Variants in ZC3H7B observed in about 807,000 individuals in gnomAD.
ZC3H7B encodes the protein zinc finger CCCH domain-containing protein 7B.
A neutral mutation model predicts 116.0 loss-of-function variants in ZC3H7B; 35 were observed. The observed-to-expected ratio is 0.30, with a 90% CI of 0.23 to 0.40. The LOEUF (loss-of-function observed/expected upper bound fraction) is 0.40, where lower values mean the gene tolerates loss of function less well. Ranked by LOEUF, ZC3H7B falls within the 10% of genes least tolerant of loss-of-function variation. ZC3H7B has a pLI of 1.00. For synonymous variants in ZC3H7B, 502 were observed against 545.6 expected (o/e 0.92, Z 1.11); for missense variants, 1,011 against 1,321.5 (o/e 0.77, Z 3.64).
chr22:41,306,973 CT>C (rs398061942), intron 1 of ZC3H7B, among the ~76,000 whole-genome samples: 110 of 129,044 alleles, frequency 8.5e-4, no homozygotes, highest in East Asian at 1.3e-3. Flanking sequence ...CAGCTCCTTT[CT>C]TTTTTTTTTT....
chr22:41,342,024 T>C (rs2036528802), intron 11 of ZC3H7B, among the ~76,000 whole-genome samples: 1 of 150,236 alleles, frequency 6.7e-6, no homozygotes, highest in Non-Finnish European at 1.5e-5. Flanking sequence ...AGCACGCCAT[T>C]GCACTCTAGC....
intron 11 of ZC3H7B, among the ~76,000 whole-genome samples, chr22:41,342,238 A>G (rs527468133): frequency 2.0e-5 from 3 of 152,210 alleles, no homozygotes; most frequent in Non-Finnish European, 4.4e-5. Context: ...CTATGCTTTC[A>G]CATTCAACTT....
At chr22:41,311,809 G>A (rs1363121817) in intron 1 of ZC3H7B, among the ~76,000 whole-genome samples, 1 of 151,926 alleles carries the variant, frequency 6.6e-6, no homozygotes, top group African/African-American at 2.4e-5. Context: ...TTGAGACCTG[G>A]GCAGAATAAG....
At chr22:41,325,666 G>C in intron 3 of ZC3H7B, 55 bp from the exon 4 acceptor site, 1 of 1,608,210 alleles carries the variant, frequency 6.2e-7, no homozygotes, top group Non-Finnish European at 8.5e-7. Flanking sequence ...CGTGGGCCGG[G>C]TGCCAGAGCT....
intron 22 of ZC3H7B, 145 bp downstream of exon 22, chr22:41,356,953 G>A: frequency 1.5e-6 from 2 of 1,369,378 alleles, no homozygotes; most frequent in Non-Finnish European, 9.9e-7. Flanking sequence ...GGGGTGGTGG[G>A]GAAGGGTGGA....
chr22:41,337,949 C>T (rs1454593864), intron 7 of ZC3H7B, among the ~76,000 whole-genome samples: 1 of 151,366 alleles, frequency 6.6e-6, no homozygotes, highest in African/African-American at 2.4e-5. Flanking sequence ...CTCACTGCAA[C>T]ATCCACCTCC....
At chr22:41,350,759 G>C (rs1353277309) in intron 16 of ZC3H7B, among the ~76,000 whole-genome samples, 1 of 152,206 alleles carries the variant, frequency 6.6e-6, no homozygotes, top group Non-Finnish European at 1.5e-5. Context: ...CAGATGTGGG[G>C]ATCTGGAGGT....
At chr22:41,324,337 C>T (rs1446545336) in intron 2 of ZC3H7B, among the ~76,000 whole-genome samples, 1 of 152,172 alleles carries the variant, frequency 6.6e-6, no homozygotes, top group Non-Finnish European at 1.5e-5. Context: ...GCCCTCCTGG[C>T]GTTGCGCCTC....
At chr22:41,305,256 A>T (rs2036025077) in intron 1 of ZC3H7B, among the ~76,000 whole-genome samples, 1 of 151,934 alleles carries the variant, frequency 6.6e-6, no homozygotes, top group East Asian at 1.9e-4. Flanking sequence ...GAGGCAGGAG[A>T]ATTGCTTGAA....
chr22:41,319,172 T>A (rs893914774), intron 1 of ZC3H7B, among the ~76,000 whole-genome samples: 1 of 151,740 alleles, frequency 6.6e-6, no homozygotes, highest in African/African-American at 2.4e-5. Flanking sequence ...GAGGCCAAGG[T>A]GGGCAGATCA....
At chr22:41,309,384 G>A (rs1222723949) in intron 1 of ZC3H7B, among the ~76,000 whole-genome samples, 2 of 151,504 alleles carry the variant, frequency 1.3e-5, no homozygotes, top group African/African-American at 4.8e-5. Context: ...TGTGATCTCG[G>A]CTCACTGCAA....
chr22:41,354,790 CAG>C lies in ZC3H7B; in HGVS notation c.2035-675_2035-674del, dbSNP rs572069952. Among the ~76,000 whole-genome samples the C allele has an allele frequency of 4.2e-4, 64 of 152,302 alleles. 2 individuals are homozygous for C. In the South Asian group the frequency reaches 0.012, roughly 30 times the overall value. The stretch of plus-strand genomic sequence containing the variant: ...GCAGGCCAAAGGCTGGGGCGTAGGA[CAG>C]AGAAGGAACGTGGTGGGTGGGGCCT... On this transcript the variant is annotated intron_variant, in intron 17 of 22. Coordinates refer to ENST00000352645, the MANE Select transcript of ZC3H7B (RefSeq NM_017590.6).
rs1017875730 is a variant in ZC3H7B, at chr22:41,330,184, T to C, written c.525+81T>C. 9.6e-6 allele frequency: 14 copies of C among 1,464,496 alleles called. No homozygotes were observed. In the African/African-American group the frequency reaches 1.5e-4, roughly 16 times the overall value. 90.7% of individuals were successfully genotyped at this position (1,464,496 alleles called of 1,614,324 possible). A position where few individuals can be genotyped will look rare whatever the true frequency, so the allele number is the denominator to read the frequency against. ...GAGGGACCAGGCTCCGTGGGGAAGG[T>C]GGGTGAGGGTGGCCAGGGCTGGGTT... On this transcript the variant is annotated intron_variant, in intron 6 of 22. Coordinates refer to ENST00000352645, the MANE Select transcript of ZC3H7B (RefSeq NM_017590.6).
In ZC3H7B at chr22:41,346,140, A is replaced by G; in HGVS notation, c.1597A>G (p.Lys533Glu). ...GCTCTTCGACCCGCTGGGGGGTGTT[A>G]AGCGCGGCAGCCTCACCATCGCCAA... ...DLLFDPLGGV[K>E]RGSLTIAKLL... Residue 533 changes from lysine to glutamate, a missense_variant, in exon 14 of 23, where the codon AAG becomes GAG. This residue lies in a region of ZC3H7B where 179 missense variants were observed against 178.5 expected (regional missense o/e 1.00). Transcript: ENST00000352645. This position sits in a 1 kb window ranked among gnomAD's most constrained non-coding sequence, Gnocchi z 5.3. 3.1e-6 allele frequency: 5 copies of G among 1,613,144 alleles called. No individual in the cohort carries two copies. The highest frequency in any genetic ancestry group is 4.2e-6 in the Non-Finnish European group (5 of 1,179,978).
chr22:41,319,930 C>G (rs1203966959), intron 1 of ZC3H7B, among the ~76,000 whole-genome samples: 1 of 151,630 alleles, frequency 6.6e-6, no homozygotes, highest in African/African-American at 2.4e-5. Context: ...ACTCCAGAGG[C>G]TGAGGCAGGA....
At chr22:41,331,400 G>A (rs950541650) in intron 6 of ZC3H7B, among the ~76,000 whole-genome samples, 1 of 122,134 alleles carries the variant, frequency 8.2e-6, no homozygotes, top group Non-Finnish European at 1.6e-5. Flanking sequence ...CTAAAAATAC[G>A]AAAAAATTAG....
At position 41,357,327 on chromosome 22, in the gene ZC3H7B, C is replaced by T. The variant is rs774972968; in HGVS notation, c.2832C>T (p.Asp944=). The T allele has an allele frequency of 3.6e-5, 58 of 1,613,616 alleles. No individual in the cohort carries two copies. The highest frequency in any genetic ancestry group is 4.3e-5 in the Non-Finnish European group (51 of 1,179,996). ...ACATGCTGCTGTGCCCACGGGACGA[C>T]GACTTTGGCAAATACAACTTCCTGC... The part of the protein sequence containing the change: ...RKDMLLCPRD[D]DFGKYNFLLQ... Residue 944 remains aspartate, a synonymous_variant, in exon 23 of 23, where the codon GAC becomes GAT. Coordinates refer to ENST00000352645, the MANE Select transcript of ZC3H7B (RefSeq NM_017590.6). The surrounding 1 kb of genome is among the most constrained non-coding windows in gnomAD (Gnocchi z 5.4).
chr22:41,320,758 G>A (rs376818485), intron 2 of ZC3H7B, 45 bp downstream of exon 2: 6 of 1,593,924 alleles, frequency 3.8e-6, no homozygotes, highest in East Asian at 2.2e-5. Flanking sequence ...GTGGGCAAGG[G>A]TGGGTTCTCT....
chr22:41,327,427 C>T lies in ZC3H7B; in HGVS notation c.444+63C>T. ...GAGGCCAGGCTTCTGACCTTCCGGCCCTCACTTGGGCCCAGCCACCACATC... is the reference window on the plus strand; with the variant it reads ...GAGGCCAGGCTTCTGACCTTCCGGCTCTCACTTGGGCCCAGCCACCACATC... On this transcript the variant is annotated intron_variant, in intron 5 of 22. Transcript: ENST00000352645. The surrounding 1 kb of genome is among the most constrained non-coding windows in gnomAD (Gnocchi z 4.5). The T allele has an allele frequency of 6.3e-7, 1 of 1,575,766 alleles. No individual in the cohort carries two copies. The highest frequency in any genetic ancestry group is 8.6e-7 in the Non-Finnish European group (1 of 1,165,202).
Sources: allele counts gnomAD v4.1 joint callset (sites outside exome capture counted in the v4.1 genomes callset), GRCh38; gene constraint gnomAD v4.1.1; regional missense constraint gnomAD v4.1.1; non-coding constraint Gnocchi (gnomAD v3.1); transcripts MANE v1.5; gene names NCBI Gene and HGNC (gene_info 2026-07-23, HGNC 2026-07-21).